The following FRMPD4 variants were observed in gnomAD, a reference collection of about 807,000 sequenced individuals.
FRMPD4 encodes FERM and PDZ domain containing 4, also known as FERM and PDZ domain-containing protein 4.
Under a neutral mutation model 94.1 loss-of-function variants are expected in FRMPD4, and 22 were observed. That is an observed-to-expected ratio of 0.23 (90% CI 0.17 to 0.33). The LOEUF (loss-of-function observed/expected upper bound fraction) is 0.33, where lower values mean the gene tolerates loss of function less well. Among genes scored for constraint, FRMPD4 ranks in the 10% least tolerant of loss-of-function variants. The pLI is 1.00. For missense variants in FRMPD4, 1,111 were observed against 1,339.9 expected (o/e 0.83, Z 2.67); for synonymous variants, 631 against 548.6 (o/e 1.15, Z -2.10).
At chrX:12,275,524 A>T (rs1342971121) in intron 1 of FRMPD4, among the ~76,000 whole-genome samples, 2 of 110,574 alleles carry the variant, frequency 1.8e-5, no homozygotes, top group Admixed American at 9.7e-5. Context: ...AGGAGCTTTC[A>T]TGGGAAAGAT....
intron 4 of FRMPD4, among the ~76,000 whole-genome samples, chrX:12,663,020 A>T (rs140483237): frequency 8.9e-6 from 1 of 112,296 alleles, no homozygotes; most frequent in African/African-American, 3.2e-5. Context: ...GTTTCTGTTC[A>T]TATCCTTCGC....
rs140592823 is a variant in FRMPD4 at position 12,344,401 on chromosome X, T to C, written c.42-154279T>C. On this transcript the variant is annotated intron_variant, in intron 1 of 16. Coordinates refer to ENST00000675598, the MANE Select transcript of FRMPD4 (RefSeq NM_001368397.1). ...ACTGCTCAAATTCCATTTCTTCTCT[T>C]CTCTTCTTTCTCTCAGCCACCAGAC... Among the ~76,000 whole-genome samples the C allele has an allele frequency of 7.7e-3, 859 of 111,110 alleles. 11 individuals are homozygous for C. Among genetic ancestry groups the C allele is most frequent in the African/African-American group, 0.027 (811 of 30,524 alleles).
chrX:12,253,690 G>GGA (rs2054074777), intron 1 of FRMPD4, among the ~76,000 whole-genome samples: 2 of 111,365 alleles, frequency 1.8e-5, no homozygotes, highest in Admixed American at 9.6e-5. Context: ...GAGTGCTGGG[G>GGA]GAGAGAGAGA....
In FRMPD4 at chrX:12,503,617, TA is replaced by T. The variant is rs762344984; in HGVS notation, c.158+4823del. ...TGGCTTATCTATCTATAGAAAATAA[TA>T]ATCTGAATAAATACAAGTAATTTGT... On this transcript the variant is annotated intron_variant, in intron 2 of 16. Transcript: ENST00000675598. Among the ~76,000 whole-genome samples, 440 of 111,940 alleles carry T rather than the reference TA, an allele frequency of 3.9e-3. 4 individuals carry two copies. The highest frequency in any genetic ancestry group is 0.012 in the African/African-American group (374 of 30,824).
intron 1 of FRMPD4, among the ~76,000 whole-genome samples, chrX:12,266,466 A>G (rs1462033083): frequency 9.0e-6 from 1 of 111,466 alleles, no homozygotes; most frequent in Non-Finnish European, 1.9e-5. Context: ...GCAGAAGTGC[A>G]AGAGAGCAAA....
chrX:12,072,823 T>C (rs1439785869), intron 3 of FRMPD4, among the ~76,000 whole-genome samples: 1 of 111,119 alleles, frequency 9.0e-6, no homozygotes, highest in Non-Finnish European at 1.9e-5. Context: ...ATATAATTTA[T>C]AGATGCAGAT....
At chrX:12,496,767 T>C (rs762685991) in intron 1 of FRMPD4, among the ~76,000 whole-genome samples, 53 of 112,073 alleles carry the variant, frequency 4.7e-4, no homozygotes, top group Middle Eastern at 4.6e-3. Flanking sequence ...AATTATTCAA[T>C]TATTTGTTTT....
intron 1 of FRMPD4, among the ~76,000 whole-genome samples, chrX:12,407,617 T>C (rs1249735645): frequency 8.9e-6 from 1 of 112,454 alleles, no homozygotes; most frequent in African/African-American, 3.2e-5. Flanking sequence ...TTGTCACTCA[T>C]GGAGCTGTTA....
intron 3 of FRMPD4, among the ~76,000 whole-genome samples, chrX:11,932,826 G>A (rs764805605): frequency 3.6e-5 from 4 of 111,029 alleles, no homozygotes; most frequent in African/African-American, 9.8e-5. Flanking sequence ...CCATTCAGAC[G>A]CCTGCTCAAA....
rs61675840 is a variant in FRMPD4, at chrX:12,668,597, C to CTTTTTT, written c.423-6249_423-6244dup. ...GAGGTTAAGTCATGAATGGAAACTACTTTTTTTTTTTTTTTTTTTTTTGTG... is the reference window on the plus strand; with the variant it reads ...GAGGTTAAGTCATGAATGGAAACTACTTTTTTTTTTTTTTTTTTTTTTTTTTTTGTG... On this transcript the variant is annotated intron_variant, in intron 4 of 16. Coordinates refer to ENST00000675598, the MANE Select transcript of FRMPD4 (RefSeq NM_001368397.1). Among the ~76,000 whole-genome samples, 46 of 71,573 alleles carry CTTTTTT rather than the reference C, an allele frequency of 6.4e-4. 1 individual carries two copies. Among genetic ancestry groups the CTTTTTT allele is most frequent in the East Asian group, 2.0e-3 (4 of 1,990 alleles). 62.2% of individuals were successfully genotyped at this position (71,573 alleles called of 115,157 possible).
intron 3 of FRMPD4, among the ~76,000 whole-genome samples, chrX:11,932,896 T>C (rs1401718915): frequency 2.7e-5 from 3 of 111,110 alleles, no homozygotes; most frequent in African/African-American, 9.8e-5. Flanking sequence ...AGCATCCCCA[T>C]TGTTCTAACT....
intron 1 of FRMPD4, among the ~76,000 whole-genome samples, chrX:12,310,375 A>G (rs1367553443): frequency 9.0e-6 from 1 of 111,148 alleles, no homozygotes; most frequent in East Asian, 2.8e-4. Flanking sequence ...GGCAGGGCAT[A>G]TTCACTTCTT....
At chrX:12,258,759 A>G (rs1001597565) in intron 1 of FRMPD4, among the ~76,000 whole-genome samples, 2 of 111,700 alleles carry the variant, frequency 1.8e-5, no homozygotes, top group Admixed American at 1.9e-4. Flanking sequence ...TGTAATGATC[A>G]AATCAGTGTA....
chrX:12,629,390 C>T (rs975766505), intron 4 of FRMPD4, among the ~76,000 whole-genome samples: 5 of 111,415 alleles, frequency 4.5e-5, no homozygotes, highest in African/African-American at 1.6e-4. Flanking sequence ...CTGTGTGCTA[C>T]CCAGTGAAAA....
intron 3 of FRMPD4, among the ~76,000 whole-genome samples, chrX:12,040,946 A>G (rs933370169): frequency 1.4e-4 from 15 of 110,504 alleles, no homozygotes; most frequent in African/African-American, 4.6e-4. Flanking sequence ...TTTCAATTCT[A>G]TTATTAAAAA....
chrX:12,103,548 A>G (rs2055272066), intron 3 of FRMPD4, among the ~76,000 whole-genome samples: 1 of 111,866 alleles, frequency 8.9e-6, no homozygotes, highest in East Asian at 2.8e-4. Context: ...AAACAGCCAT[A>G]GATGATATGT....
intron 4 of FRMPD4, among the ~76,000 whole-genome samples, chrX:12,620,315 G>A (rs1253992111): frequency 4.5e-5 from 5 of 112,171 alleles, no homozygotes; most frequent in South Asian, 3.7e-4. Context: ...AGGAAACCAC[G>A]AGGAAGCATG....
At chrX:11,953,315 T>A (rs749930225) in intron 3 of FRMPD4, among the ~76,000 whole-genome samples, 1 of 111,928 alleles carries the variant, frequency 8.9e-6, no homozygotes, top group East Asian at 2.8e-4. Flanking sequence ...AACTTTTTTT[T>A]AACCCTGCTG....
intron 3 of FRMPD4, among the ~76,000 whole-genome samples, chrX:12,101,024 G>A (rs1173326080): frequency 8.9e-6 from 1 of 112,251 alleles, no homozygotes; most frequent in East Asian, 2.8e-4. Flanking sequence ...CACTTCATGT[G>A]ATGGGTTGTA....
Sources: gnomAD v4.1 joint callset for allele counts (sites outside exome capture counted in the v4.1 genomes callset) on GRCh38, gnomAD v4.1.1 for gene constraint, MANE v1.5 for transcripts, NCBI Gene and HGNC (gene_info 2026-07-23, HGNC 2026-07-21) for gene names.